AGMO: variants seen among roughly 807,000 people sequenced by gnomAD.
AGMO encodes the protein glyceryl-ether monooxygenase.
Under a neutral mutation model 60.2 loss-of-function variants are expected in AGMO, and 75 were observed. That is an observed-to-expected ratio of 1.25 (90% confidence interval 1.03 to 1.51). AGMO has a LOEUF of 1.51. AGMO is among the 40% of genes most tolerant of loss of function. The pLI, the probability that AGMO is intolerant of heterozygous loss-of-function variation, is 0.00. For synonymous variants in AGMO, 261 were observed against 177.1 expected (o/e 1.47, Z -3.76); for missense variants, 763 against 525.5 (o/e 1.45, Z -4.42).
intron 3 of AGMO, among the ~76,000 whole-genome samples, chr7:15,477,998 G>C (rs1354835902): frequency 1.3e-5 from 2 of 152,076 alleles, no homozygotes; most frequent in African/African-American, 4.8e-5. Context: ...TGAACAGGTA[G>C]AACCACACCT....
At chr7:15,230,463 A>G (rs1017439181) in intron 12 of AGMO, among the ~76,000 whole-genome samples, 1 of 152,160 alleles carries the variant, frequency 6.6e-6, no homozygotes, top group African/African-American at 2.4e-5. Context: ...GACCTGTCCT[A>G]TGGCAAGTCC....
chr7:15,528,429 T>A (rs1464491132), intron 3 of AGMO, among the ~76,000 whole-genome samples: 1 of 152,068 alleles, frequency 6.6e-6, no homozygotes, highest in Non-Finnish European at 1.5e-5. Context: ...CCATACATAA[T>A]ATTATATATT....
chr7:15,233,399 C>CCAG (rs1357068054), intron 12 of AGMO, among the ~76,000 whole-genome samples: 1 of 152,058 alleles, frequency 6.6e-6, no homozygotes, highest in Admixed American at 6.6e-5. Flanking sequence ...CATCCAAGAT[C>CCAG]CAGGCAGAAA....
chr7:15,507,036 C>T (rs534506951), intron 3 of AGMO, among the ~76,000 whole-genome samples: 9 of 151,922 alleles, frequency 5.9e-5, no homozygotes, highest in African/African-American at 2.2e-4. Context: ...GACAATGGTG[C>T]TTTATTTTTT....
chr7:15,556,591 C>T (rs1433693717), intron 2 of AGMO, among the ~76,000 whole-genome samples: 1 of 151,846 alleles, frequency 6.6e-6, no homozygotes, highest in Non-Finnish European at 1.5e-5. Flanking sequence ...ATTGAAGTCC[C>T]AGTTTTCTAA....
At chr7:15,492,628 T>G (rs965021761) in intron 3 of AGMO, among the ~76,000 whole-genome samples, 1 of 150,116 alleles carries the variant, frequency 6.7e-6, no homozygotes, top group African/African-American at 2.4e-5. Flanking sequence ...TATTATTAAT[T>G]AATTTTTTAC....
At chr7:15,190,223 ATATATATT>A in the AGMO span, among the ~76,000 whole-genome samples, 1 of 2,030 alleles carries the variant, frequency 4.9e-4, no homozygotes, top group African/African-American at 1.6e-3. Context: ...ATATATATAT[ATATATATT>A]TATATATATA....
chr7:15,429,647 G>A (rs1230508879), intron 4 of AGMO, among the ~76,000 whole-genome samples: 2 of 152,010 alleles, frequency 1.3e-5, no homozygotes, highest in Non-Finnish European at 2.9e-5. Context: ...GGTGTATGGT[G>A]TGGGAGTTTG....
At chr7:15,184,438 G>A in the AGMO span, among the ~76,000 whole-genome samples, 2 of 142,822 alleles carry the variant, frequency 1.4e-5, no homozygotes, top group East Asian at 2.2e-4. Context: ...AGGAAGGAAG[G>A]GAGGGAGGGA....
chr7:15,459,282 T>C (rs910379519), intron 3 of AGMO, among the ~76,000 whole-genome samples: 2 of 152,156 alleles, frequency 1.3e-5, no homozygotes, highest in Non-Finnish European at 2.9e-5. Flanking sequence ...TTGTAGTGAA[T>C]AAATCAATAT....
At chr7:15,305,384 G>A (rs1246392174) in intron 12 of AGMO, among the ~76,000 whole-genome samples, 1 of 151,750 alleles carries the variant, frequency 6.6e-6, no homozygotes. Context: ...GGCACTTATT[G>A]TGAGCAATTT....
At chr7:15,252,905 G>C (rs1216330069) in intron 12 of AGMO, among the ~76,000 whole-genome samples, 1 of 152,134 alleles carries the variant, frequency 6.6e-6, no homozygotes, top group African/African-American at 2.4e-5. Flanking sequence ...GTTAAGTGAA[G>C]AGAATGTGTC....
At chr7:15,325,468 T>TA (rs1781309002) in intron 12 of AGMO, among the ~76,000 whole-genome samples, 1 of 152,156 alleles carries the variant, frequency 6.6e-6, no homozygotes, top group Non-Finnish European at 1.5e-5. Flanking sequence ...TATTTTCCGT[T>TA]GTTTTTTAAA....
chr7:15,551,448 C>G (rs1289481141), intron 2 of AGMO, among the ~76,000 whole-genome samples: 2 of 149,314 alleles, frequency 1.3e-5, no homozygotes, highest in African/African-American at 2.5e-5. Flanking sequence ...TCTCCTTAAG[C>G]TGATAAGCAA....
At chr7:15,265,603 G>C (rs1783409471) in intron 12 of AGMO, among the ~76,000 whole-genome samples, 1 of 150,704 alleles carries the variant, frequency 6.6e-6, no homozygotes, top group Non-Finnish European at 1.5e-5. Context: ...CATTAGGCTG[G>C]ATACAATTAA....
At chr7:15,416,418 T>A (rs1780772362) in intron 5 of AGMO, among the ~76,000 whole-genome samples, 1 of 152,238 alleles carries the variant, frequency 6.6e-6, no homozygotes, top group Admixed American at 6.5e-5. Context: ...GCCTATTTTT[T>A]ATCTCACAGT....
intron 3 of AGMO, among the ~76,000 whole-genome samples, chr7:15,521,460 C>G (rs546194880): frequency 6.6e-6 from 1 of 152,142 alleles, no homozygotes; most frequent in Non-Finnish European, 1.5e-5. Flanking sequence ...AAAATACTGG[C>G]AAACCAAATC....
intron 12 of AGMO, among the ~76,000 whole-genome samples, chr7:15,328,525 G>T (rs1408343904): frequency 6.6e-6 from 1 of 152,164 alleles, no homozygotes; most frequent in African/African-American, 2.4e-5. Context: ...TGAGAGGGAA[G>T]TACAGGAATA....
At chr7:15,385,152 T>C (rs948385668) in intron 10 of AGMO, among the ~76,000 whole-genome samples, 1 of 152,194 alleles carries the variant, frequency 6.6e-6, no homozygotes, top group African/African-American at 2.4e-5. Context: ...CTGAAGTATT[T>C]TTATTGTAAT....
Sources: gnomAD v4.1 joint callset for allele counts (sites outside exome capture counted in the v4.1 genomes callset) on GRCh38, gnomAD v4.1.1 for gene constraint, MANE v1.5 for transcripts, NCBI Gene and HGNC (gene_info 2026-07-23, HGNC 2026-07-21) for gene names.